The following SRSF3 variants were observed in gnomAD, a reference collection of about 807,000 sequenced individuals.
SRSF3 encodes serine/arginine-rich splicing factor 3.
For synonymous variants in SRSF3, 87 were observed against 73.6 expected, an observed-to-expected ratio of 1.18 and a Z score of -0.93; for missense variants, 58 against 217.1, an observed-to-expected ratio of 0.27 and a Z score of 4.61.
At chr6:36,600,993 T>TTTTTTTTC in intron 3 of SRSF3, 159 bp from the exon 4 acceptor site, 8 of 427,632 alleles carry the variant, frequency 1.9e-5, no homozygotes, top group Admixed American at 4.8e-5. Context: ...TTTTCTTTTC[T>TTTTTTTTC]TTTTTTTCTT....
intron 1 of SRSF3, chr6:36,594,776 A>T: frequency 6.8e-6 from 1 of 146,410 alleles, no homozygotes; most frequent in African/African-American, 2.5e-5. Flanking sequence ...TTTTATTTTT[A>T]TGGCGCCTTT....
At chr6:36,601,129 A>C (rs982849233) in intron 3 of SRSF3, 23 bp from the exon 4 acceptor site, 2 of 1,605,928 alleles carry the variant, frequency 1.2e-6, no homozygotes, top group Non-Finnish European at 1.7e-6. Flanking sequence ...TGATGAGCCT[A>C]ATTTTCCTGT....
rs1778743876 is a variant in SRSF3 at position 36,603,011 on chromosome 6, A to G, written c.*1022A>G. 1 of 220,568 alleles carries G rather than the reference A, an allele frequency of 4.5e-6. No homozygotes were observed. 13.7% of individuals were successfully genotyped at this position (220,568 alleles called of 1,614,324 possible). A position where few individuals can be genotyped will look rare whatever the true frequency, so the allele number is the denominator to read the frequency against. On this transcript the variant is annotated 3_prime_UTR_variant, in exon 6 of 6. Transcript: ENST00000373715. ...TCTTATTTTATAAGAAACAGCTGAG[A>G]GGCACTATGGATTAGTCTTCTGAAG...
In SRSF3 at chr6:36,605,591, T is replaced by C. The variant is rs1041332222; in HGVS notation, c.*3602T>C. The C allele has an allele frequency of 6.6e-6, 1 of 152,244 alleles. No individual in the cohort carries two copies. Among genetic ancestry groups the C allele is most frequent in the African/African-American group, 2.4e-5 (1 of 41,472 alleles). The allele number at this position is 152,244 out of a possible 1,614,324, so 9.4% of individuals were successfully genotyped here. A position where few individuals can be genotyped will look rare whatever the true frequency, so the allele number is the denominator to read the frequency against. ...ACTCTGTACTTAATAATACAGTATT[T>C]AGATTCTCATTTAGTATCCTGCTTT... is the stretch of plus-strand genomic sequence containing the variant. On this transcript the variant is annotated 3_prime_UTR_variant, in exon 6 of 6. Transcript: ENST00000373715.
chr6:36,595,594 A>G (rs1003150741), intron 1 of SRSF3, among the ~76,000 whole-genome samples: 1 of 152,178 alleles, frequency 6.6e-6, no homozygotes, highest in Non-Finnish European at 1.5e-5. Flanking sequence ...GGAATCGTGT[A>G]CTTTTATGTC....
rs976374601 is a variant in SRSF3 at position 36,605,520 on chromosome 6, C to G, written c.*3531C>G. ...AAAAAAAAAGTTTGTTTTGGTAAGCCTAGTATAATTGATTAGTTTTGTCCA... is the reference window on the plus strand; with the variant it reads ...AAAAAAAAAGTTTGTTTTGGTAAGCGTAGTATAATTGATTAGTTTTGTCCA... On this transcript the variant is annotated 3_prime_UTR_variant, in exon 6 of 6. Coordinates refer to ENST00000373715, the MANE Select transcript of SRSF3 (RefSeq NM_003017.5). The G allele has an allele frequency of 6.6e-6, 1 of 151,850 alleles. No homozygotes were observed. Among genetic ancestry groups the G allele is most frequent in the African/African-American group, 2.4e-5 (1 of 41,344 alleles). The allele number at this position is 151,850 out of a possible 1,614,324, so 9.4% of individuals were successfully genotyped here. A position where few individuals can be genotyped will look rare whatever the true frequency, so the allele number is the denominator to read the frequency against.
intron 2 of SRSF3, 123 bp from the exon 3 acceptor site, chr6:36,598,726 A>T: frequency 1.7e-6 from 2 of 1,169,008 alleles, no homozygotes; most frequent in Non-Finnish European, 2.4e-6. Context: ...TAGAAATTTG[A>T]TGTTAAATTG....
chr6:36,601,011 T>G, intron 3 of SRSF3, 141 bp from the exon 4 acceptor site: 1 of 308,196 alleles, frequency 3.2e-6, no homozygotes, highest in Middle Eastern at 7.9e-4. Flanking sequence ...CTTTTTTTTT[T>G]TTTTTTTTTT....
At position 36,598,971 on chromosome 6, in the gene SRSF3, C is replaced by T. The variant is rs2127505689; in HGVS notation, c.329C>T (p.Pro110Leu). Reference sequence around the variant, plus strand: ...GATGATTATCGTAGGAGGAGTCCTCCACCTCGTCGCAGGTACTTGAGAGAA... The same window carrying T: ...GATGATTATCGTAGGAGGAGTCCTCTACCTCGTCGCAGGTACTTGAGAGAA... Reference protein sequence around the residue: ...PRDDYRRRSPPPRRRSPRRRS... With the variant: ...PRDDYRRRSPLPRRRSPRRRS... The change falls in exon 3 of 6, where the codon CCA becomes CTA. Residue 110 changes from proline (P) to leucine (L), a missense_variant. Transcript: ENST00000373715. 6.2e-7 allele frequency: 1 copy of T among 1,614,086 alleles called. No individual in the cohort carries two copies. Among genetic ancestry groups the T allele is most frequent in the East Asian group, 2.2e-5 (1 of 44,890 alleles).
rs1180229006 is a variant in SRSF3, at chr6:36,594,673, C to T, written c.-3+192C>T. The T allele has an allele frequency of 3.9e-5, 6 of 152,392 alleles. 1 individual carries two copies. In the East Asian group the frequency reaches 5.8e-4, roughly 15 times the overall value. The allele number at this position is 152,392 out of a possible 1,614,324, so 9.4% of individuals were successfully genotyped here. On this transcript the variant is annotated intron_variant, in intron 1 of 5. Coordinates refer to ENST00000373715, the MANE Select transcript of SRSF3 (RefSeq NM_003017.5). ...GTCTTGGAGTGGAAGTCTTTATATT[C>T]CTCATTGGGGCATGAGCCAGGATGG...
At chr6:36,601,432 T>G (rs932597197) in intron 4 of SRSF3, 1 of 577,626 alleles carries the variant, frequency 1.7e-6, no homozygotes, top group Non-Finnish European at 3.0e-6. Context: ...CTGTAGCCTT[T>G]AACTCCTGGC....
intron 3 of SRSF3, chr6:36,599,614 A>G: frequency 5.5e-6 from 2 of 366,114 alleles, no homozygotes; most frequent in Non-Finnish European, 1.1e-5. Context: ...ATAGGACTAA[A>G]TTTACCTCTT....
intron 2 of SRSF3, 53 bp from the exon 3 acceptor site, chr6:36,598,796 T>TA: frequency 6.3e-7 from 1 of 1,596,636 alleles, no homozygotes; most frequent in Non-Finnish European, 8.5e-7. Flanking sequence ...TTGGCTTTAA[T>TA]ACGCATGTCA....
intron 3 of SRSF3, chr6:36,600,046 C>T: frequency 8.1e-7 from 1 of 1,236,930 alleles, no homozygotes; most frequent in Non-Finnish European, 1.0e-6. Context: ...CCACCTCGAC[C>T]GCCCACACAT....
rs1778794801 is a variant in SRSF3 at position 36,605,556 on chromosome 6, C to T, written c.*3567C>T. ...GATTAGTTTTGTCCATGCAACTTTC[C>T]CCTTGTTGGACTCTGTACTTAATAA... On this transcript the variant is annotated 3_prime_UTR_variant, in exon 6 of 6. Transcript: ENST00000373715. 1 of 151,842 alleles carries T rather than the reference C, an allele frequency of 6.6e-6. No homozygotes were observed. The highest frequency in any genetic ancestry group is 2.1e-4 in the South Asian group (1 of 4,816). The allele number at this position is 151,842 out of a possible 1,614,324, so 9.4% of individuals were successfully genotyped here.
chr6:36,596,530 C>T (rs1211190476), intron 1 of SRSF3, among the ~76,000 whole-genome samples: 3 of 124,326 alleles, frequency 2.4e-5, no homozygotes, highest in Admixed American at 9.2e-5. Context: ...TCACTAATTG[C>T]TGGCTTCCTG....
In SRSF3 at chr6:36,596,933, A is replaced by G. The variant is rs772612728; in HGVS notation, c.171A>G (p.Arg57=). 4.3e-6 allele frequency: 7 copies of G among 1,614,092 alleles called. No homozygotes were observed. The South Asian group carries it at 7.7e-5, about 18-fold the overall frequency. ...GFAFVEFEDP[R]DAADAVRELD... is the part of the protein sequence containing the mutation. ...CTTTTGTTGAATTTGAAGATCCCCG[A>G]GATGCAGCTGATGCAGTCCGAGAGC... The change falls in exon 2 of 6, where the codon CGA becomes CGG. Residue 57 remains arginine (R), a synonymous_variant. Transcript: ENST00000373715.
At position 36,601,860 on chromosome 6, in the gene SRSF3, G is replaced by A. The variant is rs145950396; in HGVS notation, c.467+66G>A. The A allele has an allele frequency of 1.9e-6, 3 of 1,594,870 alleles. No homozygotes were observed. The East Asian group carries it at 6.7e-5, about 36-fold the overall frequency. On this transcript the variant is annotated intron_variant, in intron 5 of 5. Transcript: ENST00000373715. The stretch of plus-strand genomic sequence containing the variant: ...TAGTATGCTAAGGCCTGTCTTCTAA[G>A]CCATAAATTTTTTACCTTAAAGTTC...
rs906790775 is a variant in SRSF3 at position 36,604,295 on chromosome 6, T to G, written c.*2306T>G. 1.9e-5 allele frequency: 4 copies of G among 213,220 alleles called. No individual in the cohort carries two copies. Among genetic ancestry groups the G allele is most frequent in the South Asian group, 1.9e-4 (1 of 5,354 alleles). The allele number at this position is 213,220 out of a possible 1,614,324, so 13.2% of individuals were successfully genotyped here. ...TGACAATGTAAAGAAACATTAAGGA[T>G]TATATTTGATTGTTTTCAAAGACAC... On this transcript the variant is annotated 3_prime_UTR_variant, in exon 6 of 6. Transcript: ENST00000373715.
Sources: gnomAD v4.1 joint callset for allele counts (sites outside exome capture counted in the v4.1 genomes callset) on GRCh38, gnomAD v4.1.1 for gene constraint, MANE v1.5 for transcripts, NCBI Gene and HGNC (gene_info 2026-07-23, HGNC 2026-07-21) for gene names.